The following CNGB3 variants were observed in gnomAD, a reference collection of about 807,000 sequenced individuals.
The protein encoded by CNGB3 is cyclic nucleotide-gated channel beta-3.
In CNGB3, 86 loss-of-function variants were observed where a neutral mutation model predicts 92.8. The observed-to-expected ratio is 0.93, with a 90% CI of 0.78 to 1.11. The LOEUF is 1.11. Among genes scored for constraint, CNGB3 ranks in the 50% least tolerant of loss-of-function variants. The probability of loss-of-function intolerance (pLI) is 0.00; values close to 1 mark genes in which losing one functional copy is unlikely to be tolerated. For synonymous variants in CNGB3, 333 were observed against 332.7 expected (o/e 1.00, Z -0.01); for missense variants, 1,026 against 956.8 (o/e 1.07, Z -0.95).
chr8:86,713,982 G>C (rs1443572154), intron 3 of CNGB3, among the ~76,000 whole-genome samples: 1 of 151,958 alleles, frequency 6.6e-6, no homozygotes, highest in African/African-American at 2.4e-5. Flanking sequence ...CCAAGAGAGT[G>C]GTACCTTTGT....
chr8:86,642,837 C>G (rs545387458), intron 10 of CNGB3, among the ~76,000 whole-genome samples: 16 of 151,540 alleles, frequency 1.1e-4, no homozygotes. Flanking sequence ...ACCTAATTGT[C>G]AAGTTTAATT....
chr8:86,626,564 T>C (rs1265555909), intron 12 of CNGB3, among the ~76,000 whole-genome samples: 1 of 152,170 alleles, frequency 6.6e-6, no homozygotes, highest in African/African-American at 2.4e-5. Context: ...AGGGTAAATG[T>C]TCTCATTCCT....
At chr8:86,699,206 A>C (rs1463137850) in intron 3 of CNGB3, among the ~76,000 whole-genome samples, 1 of 151,908 alleles carries the variant, frequency 6.6e-6, no homozygotes, top group Non-Finnish European at 1.5e-5. Context: ...CCTTTTTTAA[A>C]CTCCATCTGT....
intron 3 of CNGB3, among the ~76,000 whole-genome samples, chr8:86,686,023 C>A (rs1198094971): frequency 6.6e-6 from 1 of 151,880 alleles, no homozygotes. Flanking sequence ...AATAATAAAC[C>A]ATGGGAAAAC....
In CNGB3 at chr8:86,670,192, G is replaced by T. The variant is rs116562544; in HGVS notation, c.493+752C>A. 9.4e-3 allele frequency among the ~76,000 whole-genome samples: 1,431 copies of T among 152,248 alleles called. 24 individuals are homozygous for T. The highest frequency in any genetic ancestry group is 0.033 in the African/African-American group (1,353 of 41,548). On this transcript the variant is annotated intron_variant, in intron 4 of 17. Transcript: ENST00000320005. ...CATTTTTGTAGTTATTAGCGTGGTT[G>T]ATAATAGTCCCTCCCCTTACTTGAT...
At chr8:86,592,170 A>C (rs935482150) in intron 15 of CNGB3, among the ~76,000 whole-genome samples, 3 of 152,196 alleles carry the variant, frequency 2.0e-5, no homozygotes, top group Non-Finnish European at 4.4e-5. Flanking sequence ...GCGCTTCCCG[A>C]GTGAGGCAAT....
chr8:86,719,000 T>C (rs1824915113), intron 3 of CNGB3, among the ~76,000 whole-genome samples: 1 of 151,570 alleles, frequency 6.6e-6, no homozygotes, highest in Admixed American at 6.6e-5. Flanking sequence ...TCAGAAAAAC[T>C]GGCATAGAAG....
At chr8:86,657,533 C>G in intron 6 of CNGB3, 1 of 486,370 alleles carries the variant, frequency 2.1e-6, no homozygotes, top group East Asian at 5.6e-5. Flanking sequence ...ATGGGGAGAA[C>G]CCTCCCTGGC....
At chr8:86,737,255 T>C (rs1045899948) in intron 2 of CNGB3, among the ~76,000 whole-genome samples, 1 of 152,202 alleles carries the variant, frequency 6.6e-6, no homozygotes, top group Non-Finnish European at 1.5e-5. Flanking sequence ...AATTTTATTC[T>C]TGTAAGTAGG....
intron 15 of CNGB3, among the ~76,000 whole-genome samples, chr8:86,589,589 G>C (rs1392865472): frequency 6.6e-6 from 1 of 151,870 alleles, no homozygotes; most frequent in Non-Finnish European, 1.5e-5. Flanking sequence ...CCTTCATTTC[G>C]TTATGTACCC....
At chr8:86,613,960 A>G (rs1320077317) in intron 13 of CNGB3, among the ~76,000 whole-genome samples, 1 of 148,074 alleles carries the variant, frequency 6.8e-6, no homozygotes, top group Non-Finnish European at 1.5e-5. Context: ...AAAATTATAT[A>G]CAATTTATAT....
intron 3 of CNGB3, among the ~76,000 whole-genome samples, chr8:86,676,390 G>A (rs1196087527): frequency 3.9e-5 from 6 of 152,118 alleles, no homozygotes; most frequent in East Asian, 1.9e-4. Context: ...GGTGTTCATC[G>A]CTGCCTAATA....
intron 3 of CNGB3, among the ~76,000 whole-genome samples, chr8:86,700,524 G>A (rs550343335): frequency 1.3e-5 from 2 of 152,306 alleles, no homozygotes; most frequent in South Asian, 4.1e-4. Context: ...AGATTAAATT[G>A]TTTAAATTCT....
intron 3 of CNGB3, among the ~76,000 whole-genome samples, chr8:86,723,320 G>T (rs1328089284): frequency 1.3e-5 from 2 of 151,926 alleles, no homozygotes; most frequent in South Asian, 2.1e-4. Flanking sequence ...GTGACAGCTG[G>T]TCACTCACAC....
At chr8:86,602,254 A>G (rs1198706376) in intron 15 of CNGB3, among the ~76,000 whole-genome samples, 1 of 152,232 alleles carries the variant, frequency 6.6e-6, no homozygotes, top group Admixed American at 6.5e-5. Context: ...TGTTTCCACC[A>G]CTGCCCAAGA....
At chr8:86,710,720 T>C (rs1235933538) in intron 3 of CNGB3, among the ~76,000 whole-genome samples, 1 of 152,084 alleles carries the variant, frequency 6.6e-6, no homozygotes, top group Non-Finnish European at 1.5e-5. Context: ...ACCTAAGATA[T>C]AAACATCTAA....
intron 7 of CNGB3, among the ~76,000 whole-genome samples, chr8:86,651,368 C>G (rs1823400656): frequency 6.6e-6 from 1 of 151,858 alleles, no homozygotes; most frequent in South Asian, 2.1e-4. Context: ...ATAGGGACTT[C>G]TGGTTTGAAT....
At chr8:86,698,357 T>G (rs1824489269) in intron 3 of CNGB3, among the ~76,000 whole-genome samples, 1 of 152,246 alleles carries the variant, frequency 6.6e-6, no homozygotes, top group Non-Finnish European at 1.5e-5. Context: ...GACTTTATAG[T>G]CTAGGTTAGC....
chr8:86,581,905 C>T (rs756990120), intron 15 of CNGB3, among the ~76,000 whole-genome samples: 4 of 152,122 alleles, frequency 2.6e-5, no homozygotes, highest in African/African-American at 9.7e-5. Context: ...AAATGTTAAA[C>T]ACAGCCCGAG....
Sources: allele counts gnomAD v4.1 joint callset (sites outside exome capture counted in the v4.1 genomes callset), GRCh38; gene constraint gnomAD v4.1.1; transcripts MANE v1.5; gene names NCBI Gene and HGNC (gene_info 2026-07-23, HGNC 2026-07-21).